PCDH9: variants seen among roughly 807,000 people sequenced by gnomAD.
PCDH9 encodes protocadherin 9.
In PCDH9, 24 loss-of-function variants were observed where a neutral mutation model predicts 70.6. The ratio of observed to expected loss-of-function variants is 0.34; its 90% CI spans 0.25 to 0.48. The LOEUF (loss-of-function observed/expected upper bound fraction) is 0.48, where lower values mean the gene tolerates loss of function less well. Among genes scored for constraint, PCDH9 ranks in the 20% least tolerant of loss-of-function variants. The pLI is 0.99. For synonymous variants in PCDH9, 562 were observed against 558.5 expected (o/e 1.01, Z -0.09); for missense variants, 1,281 against 1,503.6 (o/e 0.85, Z 2.45).
chr13:66,494,735 C>A (rs901217494), intron 4 of PCDH9, among the ~76,000 whole-genome samples: 1 of 152,108 alleles, frequency 6.6e-6, no homozygotes, highest in African/African-American at 2.4e-5. Flanking sequence ...CACAAGATAA[C>A]TGACCTGGTT....
intron 2 of PCDH9, among the ~76,000 whole-genome samples, chr13:66,967,275 T>C (rs1296581466): frequency 6.6e-6 from 1 of 152,120 alleles, no homozygotes; most frequent in Non-Finnish European, 1.5e-5. Context: ...GGTGGAATTA[T>C]TCGTAGTGAT....
At chr13:66,730,914 G>C (rs2079071427) in intron 3 of PCDH9, among the ~76,000 whole-genome samples, 1 of 126,824 alleles carries the variant, frequency 7.9e-6, no homozygotes. Flanking sequence ...TGTGGAGACA[G>C]AGGTCTCACT....
intron 4 of PCDH9, among the ~76,000 whole-genome samples, chr13:66,539,829 T>C (rs1017904538): frequency 7.3e-5 from 11 of 151,348 alleles, no homozygotes. Context: ...CCATATTTTA[T>C]ATTTTCCTAT....
intron 2 of PCDH9, among the ~76,000 whole-genome samples, chr13:67,027,832 T>G (rs1476041717): frequency 3.8e-5 from 1 of 26,550 alleles, no homozygotes; most frequent in Non-Finnish European, 9.4e-5. Context: ...TCACCATCAC[T>G]GGCCATCAGA....
intron 2 of PCDH9, among the ~76,000 whole-genome samples, chr13:66,940,228 A>G (rs1252671794): frequency 6.6e-6 from 1 of 152,156 alleles, no homozygotes. Flanking sequence ...AACTGGATCA[A>G]TTTGAAGGCA....
At chr13:66,952,349 A>T (rs9317629) in intron 2 of PCDH9, among the ~76,000 whole-genome samples, 84,271 of 152,050 alleles carry the variant, frequency 0.55, 25,025 homozygotes, top group East Asian at 0.9. Flanking sequence ...TAGTGCTATA[A>T]GACTGCTTCA....
At chr13:67,027,047 A>G (rs1412809387) in intron 2 of PCDH9, among the ~76,000 whole-genome samples, 1 of 152,208 alleles carries the variant, frequency 6.6e-6, no homozygotes, top group Non-Finnish European at 1.5e-5. Context: ...GTTTCTTCAC[A>G]GAATTGGAAA....
intron 2 of PCDH9, among the ~76,000 whole-genome samples, chr13:66,940,815 C>A (rs9571697): frequency 0.19 from 29,311 of 151,604 alleles, 3,188 homozygotes; most frequent in East Asian, 0.54. Flanking sequence ...ATTTCAGAGT[C>A]ATTCATTTTT....
intron 3 of PCDH9, among the ~76,000 whole-genome samples, chr13:66,653,619 G>C (rs2077883298): frequency 6.6e-6 from 1 of 151,996 alleles, no homozygotes; most frequent in East Asian, 1.9e-4. Flanking sequence ...CCTCAAAAAA[G>C]TAAAAATAGA....
At chr13:66,537,555 A>C (rs1000650513) in intron 4 of PCDH9, among the ~76,000 whole-genome samples, 6 of 151,940 alleles carry the variant, frequency 3.9e-5, no homozygotes, top group African/African-American at 1.4e-4. Flanking sequence ...TGCACATTTG[A>C]AGAATAAAAG....
At chr13:66,356,614 CA>C (rs1956387463) in intron 4 of PCDH9, among the ~76,000 whole-genome samples, 1 of 151,894 alleles carries the variant, frequency 6.6e-6, no homozygotes, top group South Asian at 2.1e-4. Flanking sequence ...AGCTTTTACA[CA>C]AAAGGCAAGT....
chr13:66,446,440 A>T (rs1958091350), intron 4 of PCDH9, among the ~76,000 whole-genome samples: 1 of 152,112 alleles, frequency 6.6e-6, no homozygotes, highest in Admixed American at 6.6e-5. Context: ...GGAATTTCTG[A>T]AAGATGAGTA....
intron 3 of PCDH9, among the ~76,000 whole-genome samples, chr13:66,772,689 TAAAATAA>T (rs1292236357): frequency 3.3e-5 from 5 of 152,084 alleles, no homozygotes; most frequent in Non-Finnish European, 4.4e-5. Flanking sequence ...AACATTTTAA[TAAAATAA>T]AAAATAAAAC....
intron 4 of PCDH9, among the ~76,000 whole-genome samples, chr13:66,597,427 C>A (rs1024826983): frequency 6.6e-6 from 1 of 151,694 alleles, no homozygotes; most frequent in Non-Finnish European, 1.5e-5. Context: ...AATAAACTCA[C>A]GTATATACAG....
intron 4 of PCDH9, among the ~76,000 whole-genome samples, chr13:66,463,795 G>A (rs1427708103): frequency 6.6e-6 from 1 of 151,646 alleles, no homozygotes; most frequent in Non-Finnish European, 1.5e-5. Flanking sequence ...GGAGAGATGA[G>A]GAAAACCATC....
intron 2 of PCDH9, among the ~76,000 whole-genome samples, chr13:67,089,208 A>G (rs1240237445): frequency 6.6e-6 from 1 of 152,062 alleles, no homozygotes; most frequent in East Asian, 1.9e-4. Flanking sequence ...GGGATGTTTA[A>G]TTAGAGATTC....
At chr13:66,463,472 A>C (rs1594021057) in intron 4 of PCDH9, among the ~76,000 whole-genome samples, 1 of 151,882 alleles carries the variant, frequency 6.6e-6, no homozygotes. Context: ...AGAGAGAAAA[A>C]AAAGAGAGGA....
rs79849328 is a variant in PCDH9, at chr13:66,448,948, A to C, written c.3341-143920T>G. The stretch of plus-strand genomic sequence containing the variant: ...ACATTTTGGTATTCTTGGTCCTCTT[A>C]CTAGTCCAATTTCTTCTTAGTTTCA... On this transcript the variant is annotated intron_variant, in intron 4 of 4. Coordinates refer to ENST00000377865, the MANE Select transcript of PCDH9 (RefSeq NM_203487.3). Among the ~76,000 whole-genome samples, 139 of 152,250 alleles carry C rather than the reference A, an allele frequency of 9.1e-4. 2 individuals are homozygous for C. The East Asian group carries it at 0.022, about 25-fold the overall frequency.
At chr13:66,650,565 T>C (rs900749262) in intron 3 of PCDH9, among the ~76,000 whole-genome samples, 1 of 151,918 alleles carries the variant, frequency 6.6e-6, no homozygotes, top group Non-Finnish European at 1.5e-5. Context: ...ATTGAAAAGA[T>C]CAACCAGACA....
Sources: allele counts gnomAD v4.1 joint callset (sites outside exome capture counted in the v4.1 genomes callset), GRCh38; gene constraint gnomAD v4.1.1; transcripts MANE v1.5; gene names NCBI Gene and HGNC (gene_info 2026-07-23, HGNC 2026-07-21).